Variants in IGFL4 observed in about 807,000 individuals in gnomAD.
IGFL4 encodes IGF like family member 4, also known as insulin growth factor-like family member 4.
A neutral mutation model predicts 15.4 loss-of-function variants in IGFL4; 12 were observed. That is an observed-to-expected ratio of 0.78 (90% CI 0.50 to 1.26). The LOEUF is 1.26. Among genes scored for constraint, IGFL4 ranks in the 50% most tolerant of loss-of-function variants. The probability of loss-of-function intolerance (pLI) is 0.00; values close to 1 mark genes in which losing one functional copy is unlikely to be tolerated. For synonymous variants in IGFL4, 54 were observed against 55.9 expected, an observed-to-expected ratio of 0.97 and a Z score of 0.16; for missense variants, 126 against 147.8, an observed-to-expected ratio of 0.85 and a Z score of 0.76.
At chr19:46,045,953 CAT>C (rs1365675874), upstream of IGFL4, among the ~76,000 whole-genome samples, 1 of 152,070 alleles carries the variant, frequency 6.6e-6, no homozygotes, top group Non-Finnish European at 1.5e-5. Context: ...TACCCCAAGA[CAT>C]ATAATCAGCA....
Position 46,075,536 on chromosome 19 carries a change from A to T in IGFL4, c.-432+1484T>A, listed in dbSNP as rs116263545. Among the ~76,000 whole-genome samples, 739 of 152,226 alleles carry T rather than the reference A, an allele frequency of 4.9e-3. 6 individuals are homozygous for T. The highest frequency in any genetic ancestry group is 0.016 in the African/African-American group (680 of 41,532). ...GGAATTTGTGTGATTTTTCCCTCTA[A>T]TGATTAGACTGACATTATTGGTTTT... On this transcript the variant is annotated intron_variant, in intron 1 of 5. Coordinates refer to the IGFL4 transcript ENST00000601672.
chr19:46,041,162 C>T (rs1044472427), upstream of IGFL4: 2 of 561,292 alleles, frequency 3.6e-6, no homozygotes, highest in East Asian at 3.1e-5. Context: ...GCTTCTGGAC[C>T]TGTTCCAAGT....
chr19:46,040,596 A>C lies in IGFL4; in HGVS notation c.20-28T>G. Reference sequence around the variant, plus strand: ...GAGAAGCAGAAGGAGAGCGAGAATGATTCTGAGGTCACTAGGTCTTGACCA... The same window carrying C: ...GAGAAGCAGAAGGAGAGCGAGAATGCTTCTGAGGTCACTAGGTCTTGACCA... On this transcript the variant is annotated intron_variant, in intron 1 of 3. Coordinates refer to ENST00000377697, the MANE Select transcript of IGFL4 (RefSeq NM_001002923.3). The surrounding 1 kb of genome is among the most constrained non-coding windows in gnomAD (Gnocchi z 4.1). 2 of 1,613,364 alleles carry C rather than the reference A, an allele frequency of 1.2e-6. No individual in the cohort carries two copies. The highest frequency in any genetic ancestry group is 1.7e-6 in the Non-Finnish European group (2 of 1,179,610).
At chr19:46,062,535 C>T (rs1358928104) in intron 1 of IGFL4, among the ~76,000 whole-genome samples, 1 of 152,180 alleles carries the variant, frequency 6.6e-6, no homozygotes, top group Non-Finnish European at 1.5e-5. Flanking sequence ...TTCATGTTCC[C>T]TGGAAGGTAG....
chr19:46,055,940 C>G (rs886460573), intron 2 of IGFL4, among the ~76,000 whole-genome samples: 11 of 152,106 alleles, frequency 7.2e-5, no homozygotes, highest in African/African-American at 2.2e-4. Context: ...CCGTGCCCAG[C>G]TAATTTTTGT....
At chr19:46,041,784 G>A (rs1969246196), upstream of IGFL4, among the ~76,000 whole-genome samples, 1 of 150,868 alleles carries the variant, frequency 6.6e-6, no homozygotes. Flanking sequence ...CTTTGTAAAA[G>A]TGCATTGTTA....
upstream of IGFL4, among the ~76,000 whole-genome samples, chr19:46,041,676 T>C (rs540607798): frequency 5.1e-4 from 77 of 151,982 alleles, no homozygotes; most frequent in African/African-American, 1.7e-3. Context: ...ATGTGGCGTA[T>C]TTTTAGAGCA....
upstream of IGFL4, chr19:46,041,160 A>T (rs1022635706): frequency 2.5e-5 from 14 of 563,470 alleles, no homozygotes; most frequent in African/African-American, 2.5e-4. Flanking sequence ...ATGCTTCTGG[A>T]CCTGTTCCAA....
intron 1 of IGFL4, among the ~76,000 whole-genome samples, chr19:46,070,073 A>G (rs549190568): frequency 2.0e-5 from 3 of 151,938 alleles, no homozygotes; most frequent in Non-Finnish European, 4.4e-5. Flanking sequence ...CTGAAGCAAT[A>G]CTCATTTCTG....
chr19:46,072,473 AT>A (rs757913362), intron 1 of IGFL4, among the ~76,000 whole-genome samples: 1 of 152,220 alleles, frequency 6.6e-6, no homozygotes, highest in Non-Finnish European at 1.5e-5. Flanking sequence ...CTTAAGAAGT[AT>A]TTGTCTCATT....
intron 1 of IGFL4, among the ~76,000 whole-genome samples, chr19:46,071,316 A>AC (rs1478467403): frequency 6.6e-6 from 1 of 152,064 alleles, no homozygotes; most frequent in Non-Finnish European, 1.5e-5. Flanking sequence ...TAAGGAGAAG[A>AC]CACAGCCTCT....
chr19:46,056,103 A>T (rs947024690), intron 2 of IGFL4, among the ~76,000 whole-genome samples: 24 of 152,226 alleles, frequency 1.6e-4, no homozygotes, highest in Non-Finnish European at 2.9e-4. Context: ...TAAAGGTGGC[A>T]TAAATGGTAA....
At position 46,068,726 on chromosome 19, in the gene IGFL4, A is replaced by G. The variant is rs189733616; in HGVS notation, c.-432+8294T>C. 8.7e-4 allele frequency among the ~76,000 whole-genome samples: 133 copies of G among 152,338 alleles called. 2 individuals are homozygous for G. Among genetic ancestry groups the G allele is most frequent in the Admixed American group, 3.9e-3 (60 of 15,308 alleles). On this transcript the variant is annotated intron_variant, in intron 1 of 5. Transcript: ENST00000601672. ...GGAACCGCCGGGAAAGACTTTGATCAAAACAATTAAATGCATTGGGAGCTC... is the reference window on the plus strand; with the variant it reads ...GGAACCGCCGGGAAAGACTTTGATCGAAACAATTAAATGCATTGGGAGCTC...
rs1260528108 is a variant in IGFL4 at position 46,047,687 on chromosome 19, C to A, written c.-322-6577G>T. On this transcript the variant is annotated intron_variant, in intron 2 of 5. Coordinates refer to the IGFL4 transcript ENST00000601672. ...GAAAATCTAGAAGAAATGGATACATCCCTAGACACATACACCCTCCCAAGA... is the reference window on the plus strand; with the variant it reads ...GAAAATCTAGAAGAAATGGATACATACCTAGACACATACACCCTCCCAAGA... Among the ~76,000 whole-genome samples, 3 of 152,046 alleles carry A rather than the reference C, an allele frequency of 2.0e-5. No individual in the cohort carries two copies. The East Asian group carries it at 5.8e-4, about 29-fold the overall frequency.
At chr19:46,070,068 G>A (rs933447825) in intron 1 of IGFL4, among the ~76,000 whole-genome samples, 4 of 152,016 alleles carry the variant, frequency 2.6e-5, no homozygotes, top group Admixed American at 6.6e-5. Context: ...GATTACTGAA[G>A]CAATACTCAT....
At chr19:46,041,545 G>A (rs1042450529), upstream of IGFL4, among the ~76,000 whole-genome samples, 1 of 152,082 alleles carries the variant, frequency 6.6e-6, no homozygotes. Flanking sequence ...AAAAATAGGC[G>A]GTGGTAGGAT....
At chr19:46,055,353 G>T (rs1969383120) in intron 2 of IGFL4, among the ~76,000 whole-genome samples, 1 of 152,122 alleles carries the variant, frequency 6.6e-6, no homozygotes, top group Non-Finnish European at 1.5e-5. Flanking sequence ...TCAGCTTCCT[G>T]GGTAGCCAGG....
At chr19:46,044,362 G>T, upstream of IGFL4, among the ~76,000 whole-genome samples, 1 of 152,082 alleles carries the variant, frequency 6.6e-6, no homozygotes, top group East Asian at 1.9e-4. Flanking sequence ...CTATGAAGGG[G>T]GCTGAATCCA....
At chr19:46,063,109 C>T (rs1274914587) in intron 1 of IGFL4, among the ~76,000 whole-genome samples, 1 of 152,152 alleles carries the variant, frequency 6.6e-6, no homozygotes. Flanking sequence ...GCGTCCTTGC[C>T]TTTAATTAAG....
Sources: gnomAD v4.1 joint callset for allele counts (sites outside exome capture counted in the v4.1 genomes callset) on GRCh38, gnomAD v4.1.1 for gene constraint, Gnocchi (gnomAD v3.1) non-coding constraint, MANE v1.5 for transcripts, NCBI Gene and HGNC (gene_info 2026-07-23, HGNC 2026-07-21) for gene names.